The following ANKRD11 variants were observed in gnomAD, a reference collection of about 807,000 sequenced individuals.
The protein encoded by ANKRD11 is ankyrin repeat domain 11.
In ANKRD11, 17 loss-of-function variants were observed where a neutral mutation model predicts 195.7. The ratio of observed to expected loss-of-function variants is 0.09; its 90% CI spans 0.06 to 0.13. ANKRD11 has a LOEUF of 0.13. Ranked by LOEUF, ANKRD11 falls within the 10% of genes least tolerant of loss-of-function variation. The probability of loss-of-function intolerance (pLI) is 1.00; values close to 1 mark genes in which losing one functional copy is unlikely to be tolerated. For missense variants in ANKRD11, 3,735 were observed against 3,566.1 expected (o/e 1.05, Z -1.21); for synonymous variants, 1,953 against 1,528.1 (o/e 1.28, Z -6.49).
chr16:89,269,308 C>T (rs557040751), intron 12 of ANKRD11, among the ~76,000 whole-genome samples: 4 of 152,212 alleles, frequency 2.6e-5, no homozygotes, highest in African/African-American at 7.2e-5. Context: ...AGTGCTACCA[C>T]GCCTAGCTGA....
At chr16:89,451,863 T>C (rs1228019529) in intron 1 of ANKRD11, among the ~76,000 whole-genome samples, 2 of 152,210 alleles carry the variant, frequency 1.3e-5, no homozygotes, top group African/African-American at 4.8e-5. Flanking sequence ...AATTGTACTT[T>C]GGTAATCTAA....
intron 2 of ANKRD11, among the ~76,000 whole-genome samples, chr16:89,409,152 A>AT (rs1229833458): frequency 6.6e-6 from 1 of 152,172 alleles, no homozygotes; most frequent in East Asian, 1.9e-4. Flanking sequence ...CAGAAAACAG[A>AT]TTTTTTAGGT....
chr16:89,341,250 T>A (rs1459255068), intron 2 of ANKRD11, among the ~76,000 whole-genome samples: 1 of 152,202 alleles, frequency 6.6e-6, no homozygotes, highest in Non-Finnish European at 1.5e-5. Context: ...CAGACCCGGT[T>A]TGGAAACAAT....
intron 2 of ANKRD11, among the ~76,000 whole-genome samples, chr16:89,370,232 C>T (rs572395232): frequency 6.6e-6 from 1 of 152,338 alleles, no homozygotes; most frequent in South Asian, 2.1e-4. Context: ...CGAGGGGAGC[C>T]CATGTCCAGG....
chr16:89,362,021 G>T (rs1380700699), intron 2 of ANKRD11, among the ~76,000 whole-genome samples: 2 of 152,166 alleles, frequency 1.3e-5, no homozygotes, highest in Admixed American at 1.3e-4. Context: ...TTTATGGGAG[G>T]GGGCAAGACT....
chr16:89,277,071 TGG>T (rs1567547979), intron 9 of ANKRD11, among the ~76,000 whole-genome samples: 5 of 116,070 alleles, frequency 4.3e-5, no homozygotes, highest in African/African-American at 1.6e-4. Context: ...AAAAAAAAAA[TGG>T]ATTAAAAAAT....
chr16:89,447,892 C>G (rs577935845), intron 1 of ANKRD11, among the ~76,000 whole-genome samples: 1 of 151,318 alleles, frequency 6.6e-6, no homozygotes, highest in Non-Finnish European at 1.5e-5. Flanking sequence ...GCAACCTCCA[C>G]TTCCCAGGTT....
At chr16:89,434,812 C>T (rs1043302939) in intron 1 of ANKRD11, among the ~76,000 whole-genome samples, 27 of 152,284 alleles carry the variant, frequency 1.8e-4, no homozygotes, top group African/African-American at 5.5e-4. Flanking sequence ...TGGATGGAGA[C>T]GCGGCGAGGA....
At chr16:89,395,320 C>A (rs2041378161) in intron 2 of ANKRD11, among the ~76,000 whole-genome samples, 1 of 152,242 alleles carries the variant, frequency 6.6e-6, no homozygotes, top group South Asian at 2.1e-4. Flanking sequence ...ATCCTGGGAG[C>A]AGCGTCGGTG....
At chr16:89,422,439 C>T (rs1269913912) in intron 1 of ANKRD11, among the ~76,000 whole-genome samples, 3 of 152,104 alleles carry the variant, frequency 2.0e-5, no homozygotes, top group African/African-American at 7.2e-5. Flanking sequence ...CAGTAACCAC[C>T]CTGGTCTCAT....
chr16:89,350,012 G>C (rs1234152404), intron 2 of ANKRD11, among the ~76,000 whole-genome samples: 2 of 151,838 alleles, frequency 1.3e-5, no homozygotes, highest in African/African-American at 4.8e-5. Flanking sequence ...TGAGCAAATG[G>C]CAGATATGAA....
intron 2 of ANKRD11, among the ~76,000 whole-genome samples, chr16:89,329,995 AAAAATAAAAT>A (rs71134203): frequency 0.047 from 6,812 of 146,300 alleles, 542 homozygotes; most frequent in African/African-American, 0.16. Flanking sequence ...ACCTTGTCTC[AAAAATAAAAT>A]AAAATAAAAT....
chr16:89,391,138 G>A (rs1057275741), intron 2 of ANKRD11, among the ~76,000 whole-genome samples: 1 of 150,500 alleles, frequency 6.6e-6, no homozygotes, highest in African/African-American at 2.4e-5. Context: ...TGAAGCAGGA[G>A]AATGGTGTGA....
chr16:89,326,004 A>G (rs923378989), intron 2 of ANKRD11, among the ~76,000 whole-genome samples: 2 of 152,188 alleles, frequency 1.3e-5, no homozygotes, highest in African/African-American at 4.8e-5. Flanking sequence ...GCAGAGTGCA[A>G]CAGGGAGCTT....
intron 1 of ANKRD11, among the ~76,000 whole-genome samples, chr16:89,436,842 A>G (rs114025071): frequency 0.014 from 2,069 of 152,336 alleles, 51 homozygotes; most frequent in African/African-American, 0.047. Context: ...AGGTTGGACA[A>G]TGGTATTGCC....
intron 1 of ANKRD11, among the ~76,000 whole-genome samples, chr16:89,460,940 A>T (rs1433853522): frequency 1.4e-5 from 2 of 142,408 alleles, no homozygotes; most frequent in African/African-American, 5.1e-5. Context: ...AGTGACATTC[A>T]TAAGAGAAGA....
intron 2 of ANKRD11, among the ~76,000 whole-genome samples, chr16:89,361,074 G>A (rs545999718): frequency 2.0e-5 from 3 of 152,296 alleles, no homozygotes; most frequent in East Asian, 1.9e-4. Flanking sequence ...AGCCCCTGCT[G>A]CAATGGCACC....
chr16:89,464,515 C>T (rs137922260), intron 1 of ANKRD11, among the ~76,000 whole-genome samples: 31 of 146,018 alleles, frequency 2.1e-4, no homozygotes, highest in African/African-American at 7.3e-4. Context: ...GGCTGAGGCA[C>T]GAGAATCGCT....
intron 2 of ANKRD11, among the ~76,000 whole-genome samples, chr16:89,357,092 A>T (rs1679589471): frequency 6.6e-6 from 1 of 152,214 alleles, no homozygotes; most frequent in South Asian, 2.1e-4. Context: ...AGTGGTGGGG[A>T]TGAGGATGAG....
Sources: allele counts gnomAD v4.1 joint callset (sites outside exome capture counted in the v4.1 genomes callset), GRCh38; gene constraint gnomAD v4.1.1; transcripts MANE v1.5; gene names NCBI Gene and HGNC (gene_info 2026-07-23, HGNC 2026-07-21).